KMT2E: variants seen among roughly 807,000 people sequenced by gnomAD.
KMT2E encodes the protein histone reader KMT2E.
Under a neutral mutation model 184.6 loss-of-function variants are expected in KMT2E, and 30 were observed. That is an observed-to-expected ratio of 0.16 (90% confidence interval 0.12 to 0.22). The LOEUF is 0.22. KMT2E is among the 10% of genes least tolerant of loss of function. The pLI is 1.00. For synonymous variants in KMT2E, 815 were observed against 776.5 expected (o/e 1.05, Z -0.82); for missense variants, 2,023 against 2,237.4 (o/e 0.90, Z 1.93).
chr7:105,047,335 A>G (rs555636258), intron 3 of KMT2E, among the ~76,000 whole-genome samples: 1 of 152,358 alleles, frequency 6.6e-6, no homozygotes, highest in African/African-American at 2.4e-5. Flanking sequence ...TTTCTTATCA[A>G]TGTAGGGAAC....
chr7:105,088,693 A>C (rs1390319755), intron 13 of KMT2E, among the ~76,000 whole-genome samples: 1 of 152,164 alleles, frequency 6.6e-6, no homozygotes, highest in African/African-American at 2.4e-5. Flanking sequence ...AGTCATACAG[A>C]CCTGGATCTA....
intron 3 of KMT2E, among the ~76,000 whole-genome samples, chr7:105,060,165 T>C (rs536404537): frequency 5.1e-4 from 77 of 151,756 alleles, no homozygotes; most frequent in Non-Finnish European, 9.9e-4. Flanking sequence ...TGCCTACTTA[T>C]TGTATTTTTA....
chr7:105,035,872 T>G (rs189182192), intron 1 of KMT2E, among the ~76,000 whole-genome samples: 70 of 152,276 alleles, frequency 4.6e-4, no homozygotes, highest in African/African-American at 1.7e-3. Flanking sequence ...AACACAAATT[T>G]TAGTCTTTGA....
At chr7:105,052,531 C>T (rs1169285148) in intron 3 of KMT2E, among the ~76,000 whole-genome samples, 1 of 151,852 alleles carries the variant, frequency 6.6e-6, no homozygotes, top group Non-Finnish European at 1.5e-5. Flanking sequence ...AATCATATTG[C>T]TTGAAGGTCA....
rs1794619419 is a variant in KMT2E at position 105,014,361 on chromosome 7, C to T, written c.-363C>T. 1 of 154,834 alleles carries T rather than the reference C, an allele frequency of 6.5e-6. No individual in the cohort carries two copies. The highest frequency in any genetic ancestry group is 1.4e-5 in the Non-Finnish European group (1 of 69,716). 9.6% of individuals were successfully genotyped at this position (154,834 alleles called of 1,614,324 possible). On this transcript the variant is annotated 5_prime_UTR_variant, in exon 1 of 27. Transcript: ENST00000311117. Reference sequence around the variant, plus strand: ...TGCCTGGCTGCCCCCTCCCCTACTCCTCGGTTCCTGGTGAAGAGGCTGCGC... The same window carrying T: ...TGCCTGGCTGCCCCCTCCCCTACTCTTCGGTTCCTGGTGAAGAGGCTGCGC...
intron 1 of KMT2E, among the ~76,000 whole-genome samples, chr7:105,033,409 C>G (rs1172154072): frequency 6.6e-6 from 1 of 152,096 alleles, no homozygotes; most frequent in Non-Finnish European, 1.5e-5. Context: ...TGTCTTAGTC[C>G]ATTTAGTGTT....
chr7:105,038,633 T>G (rs1057088960), intron 2 of KMT2E: 1 of 152,376 alleles, frequency 6.6e-6, no homozygotes, highest in Non-Finnish European at 1.5e-5. Context: ...AGTGCTGGGA[T>G]TACAGGCTTG....
At chr7:105,086,585 TGTG>T (rs763246997) in intron 13 of KMT2E, among the ~76,000 whole-genome samples, 2 of 151,432 alleles carry the variant, frequency 1.3e-5, no homozygotes, top group East Asian at 1.9e-4. Context: ...ATTAGCCAGG[TGTG>T]GTGGCGCACA....
chr7:105,093,132 C>T (rs1022740933), intron 15 of KMT2E, among the ~76,000 whole-genome samples: 1 of 152,072 alleles, frequency 6.6e-6, no homozygotes, highest in African/African-American at 2.4e-5. Flanking sequence ...GAGGTCAAGG[C>T]TGCACTGAGC....
chr7:105,069,004 A>G (rs1441326417), intron 6 of KMT2E, among the ~76,000 whole-genome samples: 1 of 152,118 alleles, frequency 6.6e-6, no homozygotes, highest in Non-Finnish European at 1.5e-5. Context: ...AACCTCTTCA[A>G]GCTGGTTATC....
rs1799490445 is a variant in KMT2E at position 105,114,203 on chromosome 7, A to G, written c.*870A>G. 1.3e-5 allele frequency: 2 copies of G among 152,172 alleles called. No homozygotes were observed. Among genetic ancestry groups the G allele is most frequent in the Admixed American group, 1.3e-4 (2 of 15,274 alleles). 9.4% of individuals were successfully genotyped at this position (152,172 alleles called of 1,614,324 possible). A position where few individuals can be genotyped will look rare whatever the true frequency, so the allele number is the denominator to read the frequency against. On this transcript the variant is annotated 3_prime_UTR_variant, in exon 27 of 27. Coordinates refer to ENST00000311117, the MANE Select transcript of KMT2E (RefSeq NM_182931.3). ...TTCTTTAGCGACTACTACCTCAGCA[A>G]CAGGAGGCAGCAAGGGGCTGTTCCT...
intron 15 of KMT2E, 122 bp downstream of exon 15, chr7:105,091,436 A>G (rs777333672): frequency 9.8e-5 from 69 of 702,934 alleles, no homozygotes; most frequent in Admixed American, 2.2e-5. Context: ...GCCATTGAGC[A>G]TTTTTATTTG....
rs549130605 is a variant in KMT2E at position 105,105,874 on chromosome 7, G to T, written c.2467G>T (p.Ala823Ser). ...GSCKKRWLKQ[A>S]LEEENSAILH... ...TTTTATTCAGCGATGGTTGAAACAA[G>T]CTCTGGAAGAAGAAAATTCAGCAAT... The change falls in exon 19 of 27, where the codon GCT (alanine) becomes TCT (serine). Residue 823 changes from alanine (A) to serine (S), a missense_variant. Ala to Ser is a moderately conservative substitution (Grantham distance 99). Coordinates refer to ENST00000311117, the MANE Select transcript of KMT2E (RefSeq NM_182931.3). The T allele has an allele frequency of 6.2e-7, 1 of 1,612,678 alleles. No individual in the cohort carries two copies. Among genetic ancestry groups the T allele is most frequent in the East Asian group, 2.2e-5 (1 of 44,828 alleles).
Position 105,063,435 on chromosome 7 carries a change from A to T in KMT2E, c.271A>T (p.Ile91Leu), listed in dbSNP as rs1013534993. 6.2e-7 allele frequency: 1 copy of T among 1,613,944 alleles called. No individual in the cohort carries two copies. Among genetic ancestry groups the T allele is most frequent in the Admixed American group, 1.7e-5 (1 of 59,980 alleles). Residue 91 changes from isoleucine to leucine, a missense_variant, in exon 5 of 27, where the codon ATA (isoleucine) becomes TTA (leucine). This residue lies in a region of KMT2E where 48 missense variants were observed against 51.5 expected (regional missense o/e 0.93). Transcript: ENST00000311117. ...SVLISKNEVGIFTTPNFDETS... is the reference protein window; with the variant it reads ...SVLISKNEVGLFTTPNFDETS... ...CCTTATTAGCAAAAATGAAGTAGGC[A>T]TATTTACCACTCCTAATTTTGATGA...
At chr7:105,048,619 A>AT (rs1433727569) in intron 3 of KMT2E, among the ~76,000 whole-genome samples, 1 of 152,200 alleles carries the variant, frequency 6.6e-6, no homozygotes, top group Non-Finnish European at 1.5e-5. Context: ...TTGCCTAATT[A>AT]TTTTGGAATT....
chr7:105,084,389 G>T (rs1223844420), intron 13 of KMT2E, among the ~76,000 whole-genome samples: 2 of 152,150 alleles, frequency 1.3e-5, no homozygotes, highest in African/African-American at 4.8e-5. Flanking sequence ...CACTTGGGAG[G>T]CCAAGGCGGG....
intron 1 of KMT2E, among the ~76,000 whole-genome samples, chr7:105,034,154 T>G (rs762516353): frequency 1.3e-5 from 2 of 152,224 alleles, no homozygotes; most frequent in Non-Finnish European, 2.9e-5. Flanking sequence ...GGACAAATCT[T>G]ATTCAAACCA....
Position 105,019,202 on chromosome 7 carries a change from G to C in KMT2E, c.-189+4667G>C, listed in dbSNP as rs182603200. Among the ~76,000 whole-genome samples the C allele has an allele frequency of 2.3e-3, 349 of 152,240 alleles. 1 individual carries two copies. Among genetic ancestry groups the C allele is most frequent in the African/African-American group, 7.7e-3 (320 of 41,562 alleles). On this transcript the variant is annotated intron_variant, in intron 1 of 26. Coordinates refer to ENST00000311117, the MANE Select transcript of KMT2E (RefSeq NM_182931.3). ...ATTCATATCTTTAAGGATAAAAGAA[G>C]TTTTTATTAACCATTGGTAACTAGG...
chr7:105,029,040 G>A (rs911421202), intron 1 of KMT2E, among the ~76,000 whole-genome samples: 2 of 152,180 alleles, frequency 1.3e-5, no homozygotes, highest in Non-Finnish European at 2.9e-5. Context: ...CGAGGTAGGT[G>A]GATCACTTGA....
Sources: allele counts gnomAD v4.1 joint callset (sites outside exome capture counted in the v4.1 genomes callset), GRCh38; gene constraint gnomAD v4.1.1; regional missense constraint gnomAD v4.1.1; transcripts MANE v1.5; gene names NCBI Gene and HGNC (gene_info 2026-07-23, HGNC 2026-07-21).